FAM120B: variants seen among roughly 807,000 people sequenced by gnomAD.
The protein encoded by FAM120B is family with sequence similarity 120 member B.
A neutral mutation model predicts 96.3 loss-of-function variants in FAM120B; 83 were observed. That is an observed-to-expected ratio of 0.86 (90% CI 0.72 to 1.03). FAM120B has a LOEUF of 1.03. Among genes scored for constraint, FAM120B ranks in the 50% least tolerant of loss-of-function variants. The pLI, the probability that FAM120B is intolerant of heterozygous loss-of-function variation, is 0.00. For missense variants in FAM120B, 1,027 were observed against 1,121.2 expected (o/e 0.92, Z 1.20); for synonymous variants, 407 against 402.7 (o/e 1.01, Z -0.13).
intron 9 of FAM120B, chr6:170,404,258 G>T: frequency 3.0e-6 from 1 of 331,666 alleles, no homozygotes; most frequent in Non-Finnish European, 5.5e-6. Context: ...TCCAAAAGTC[G>T]TCAGCAATAG....
At chr6:170,367,962 C>T (rs1205174514) in intron 6 of FAM120B, among the ~76,000 whole-genome samples, 1 of 152,160 alleles carries the variant, frequency 6.6e-6, no homozygotes. Context: ...GATCTCCTCA[C>T]ACCTATTAGG....
rs1787766503 is a variant in FAM120B, at chr6:170,354,401, A to G, written c.2191-3825A>G. Among the ~76,000 whole-genome samples the G allele has an allele frequency of 2.6e-5, 4 of 152,224 alleles. No individual in the cohort carries two copies. The South Asian group carries it at 8.3e-4, about 31-fold the overall frequency. On this transcript the variant is annotated intron_variant, in intron 5 of 10. Coordinates refer to ENST00000476287, the MANE Select transcript of FAM120B (RefSeq NM_032448.3). ...TGAAAACACCAAAAGCAATTGCAACAAAAGCAAAAATTGACAAATGGGATC... is the reference window on the plus strand; with the variant it reads ...TGAAAACACCAAAAGCAATTGCAACGAAAGCAAAAATTGACAAATGGGATC...
At position 170,391,073 on chromosome 6, in the gene FAM120B, G is replaced by A; in HGVS notation, c.2551G>A (p.Glu851Lys). Residue 851 changes from glutamate to lysine, a missense_variant, in exon 8 of 11, where the codon GAG (glutamate) becomes AAG (lysine). Around this residue, in one of 3 missense-constraint regions of FAM120B, gnomAD observed 142 missense variants for 122.5 expected, o/e 1.16. Transcript: ENST00000476287. ...KAVVCKACMK[E>K]NRRITGRAHW... ...AGTCGTCTGCAAGGCCTGCATGAAG[G>A]AGAACAGACGCATCACTGGCCGAGC... 1 of 1,614,180 alleles carries A rather than the reference G, an allele frequency of 6.2e-7. No individual in the cohort carries two copies. Among genetic ancestry groups the A allele is most frequent in the Admixed American group, 1.7e-5 (1 of 60,024 alleles).
Position 170,323,234 on chromosome 6 carries a change from C to G in FAM120B, c.1890C>G (p.Tyr630Ter). 4.3e-6 allele frequency: 7 copies of G among 1,613,824 alleles called. No individual in the cohort carries two copies. The highest frequency in any genetic ancestry group is 5.9e-6 in the Non-Finnish European group (7 of 1,179,848). ...ACCGTCCCATTCGACAGCGGGTCTA[C>G]TCACTCTTACTGGAGGACTGTCAAG... is the stretch of plus-strand genomic sequence containing the variant. ...FIYRPIRQRVYSLLLEDCQDV... is the reference protein window; with the variant it reads ...FIYRPIRQRV The change falls in exon 3 of 11, where the codon TAC (tyrosine) becomes TAG (stop). Residue 630 changes from tyrosine to a stop codon, truncating the protein, a stop_gained. Coordinates refer to ENST00000476287, the MANE Select transcript of FAM120B (RefSeq NM_032448.3). LOFTEE classifies it high-confidence loss of function.
chr6:170,393,138 C>G (rs1790558741), intron 8 of FAM120B, among the ~76,000 whole-genome samples: 1 of 105,992 alleles, frequency 9.4e-6, no homozygotes, highest in Non-Finnish European at 1.9e-5. Flanking sequence ...ATAGCGAGAC[C>G]CTGTCTTTAC....
rs114546902 is a variant in FAM120B, at chr6:170,401,088, G to C, written c.2693-3462G>C. The stretch of plus-strand genomic sequence containing the variant: ...CTCATGCAAATTAAAACAGCATAAT[G>C]ACTTTCCATAGGCGGAATTGTAGCT... On this transcript the variant is annotated intron_variant, in intron 9 of 10. Transcript: ENST00000476287. 7.4e-3 allele frequency among the ~76,000 whole-genome samples: 1,133 copies of C among 152,324 alleles called. 15 individuals are homozygous for C. Among genetic ancestry groups the C allele is most frequent in the African/African-American group, 0.026 (1,081 of 41,568 alleles).
intron 6 of FAM120B, among the ~76,000 whole-genome samples, chr6:170,378,678 A>C (rs1789725948): frequency 1.3e-5 from 2 of 152,162 alleles, no homozygotes; most frequent in African/African-American, 2.4e-5. Flanking sequence ...AGAACCAGGA[A>C]GCGGTGGCGT....
At chr6:170,402,056 C>G (rs1382510865) in intron 9 of FAM120B, among the ~76,000 whole-genome samples, 1 of 152,250 alleles carries the variant, frequency 6.6e-6, no homozygotes, top group Non-Finnish European at 1.5e-5. Flanking sequence ...GTGTCCCACG[C>G]TTCAGTCCCT....
chr6:170,357,993 C>T (rs1445935854), intron 5 of FAM120B, among the ~76,000 whole-genome samples: 3 of 151,618 alleles, frequency 2.0e-5, no homozygotes, highest in Non-Finnish European at 2.9e-5. Flanking sequence ...TGTGTGTACA[C>T]CTGTGTGTGT....
chr6:170,367,569 AGCAGGTAAGTCCGCGGGGAGACG>A (rs1788880813), intron 6 of FAM120B, among the ~76,000 whole-genome samples: 1 of 152,230 alleles, frequency 6.6e-6, no homozygotes, highest in Non-Finnish European at 1.5e-5. Context: ...GGCTGGAGCC[AGCAGGTAAGTCCGCGGGGAGACG>A]GCAGGATGGG....
At chr6:170,385,357 A>G (rs992594639) in intron 6 of FAM120B, among the ~76,000 whole-genome samples, 1 of 150,844 alleles carries the variant, frequency 6.6e-6, no homozygotes, top group Admixed American at 6.6e-5. Context: ...GTAGAATTAA[A>G]TGAATATACT....
intron 3 of FAM120B, among the ~76,000 whole-genome samples, chr6:170,324,761 C>G (rs1428669806): frequency 6.6e-6 from 1 of 152,076 alleles, no homozygotes; most frequent in African/African-American, 2.4e-5. Flanking sequence ...AACTTTTTGG[C>G]TTTCTACATG....
Position 170,317,690 on chromosome 6 carries a change from A to G in FAM120B, c.300A>G (p.Glu100=), listed in dbSNP as rs1182237348. The change falls in exon 2 of 11, where the codon GAA becomes GAG. Residue 100 remains glutamate, a synonymous_variant. Transcript: ENST00000476287. ...TGGTGGAGCAGGATAAGAGAGATGAATGGGTGAAACGAAGGCTCAAGAACA... is the reference window on the plus strand; with the variant it reads ...TGGTGGAGCAGGATAAGAGAGATGAGTGGGTGAAACGAAGGCTCAAGAACA... ...DGMVEQDKRD[E]WVKRRLKNNR... 26 of 1,614,050 alleles carry G rather than the reference A, an allele frequency of 1.6e-5. No homozygotes were observed. The highest frequency in any genetic ancestry group is 1.8e-5 in the Non-Finnish European group (21 of 1,180,024).
chr6:170,394,271 G>A (rs1245030261), intron 8 of FAM120B, among the ~76,000 whole-genome samples: 1 of 152,262 alleles, frequency 6.6e-6, no homozygotes, highest in East Asian at 1.9e-4. Context: ...GCTGCTGAAT[G>A]CCAGGCAAGT....
intron 1 of FAM120B, among the ~76,000 whole-genome samples, chr6:170,312,119 A>T (rs1784631583): frequency 6.6e-6 from 1 of 152,250 alleles, no homozygotes; most frequent in Non-Finnish European, 1.5e-5. Flanking sequence ...CAAATTAGAC[A>T]CAAACAGATT....
At chr6:170,365,043 G>A (rs1788690536) in intron 6 of FAM120B, among the ~76,000 whole-genome samples, 1 of 152,232 alleles carries the variant, frequency 6.6e-6, no homozygotes, top group African/African-American at 2.4e-5. Context: ...AGAGGATGGG[G>A]CAGAGTGCAG....
intron 6 of FAM120B, among the ~76,000 whole-genome samples, chr6:170,385,065 A>G (rs2115301168): frequency 6.6e-6 from 1 of 152,358 alleles, no homozygotes; most frequent in South Asian, 2.1e-4. Flanking sequence ...CATATGGGAA[A>G]TCTACCAGAA....
chr6:170,360,059 C>T (rs774379977), intron 6 of FAM120B, among the ~76,000 whole-genome samples: 3 of 152,136 alleles, frequency 2.0e-5, no homozygotes, highest in Non-Finnish European at 4.4e-5. Context: ...ACCTGCTCCC[C>T]TCTTCCCTGT....
chr6:170,389,860 C>T (rs1477683253), intron 7 of FAM120B, among the ~76,000 whole-genome samples: 1 of 152,122 alleles, frequency 6.6e-6, no homozygotes, highest in Non-Finnish European at 1.5e-5. Flanking sequence ...CGCGACCAGC[C>T]CCTCTCCCTA....
Sources: allele counts gnomAD v4.1 joint callset (sites outside exome capture counted in the v4.1 genomes callset), GRCh38; gene constraint gnomAD v4.1.1; regional missense constraint gnomAD v4.1.1; transcripts MANE v1.5; gene names NCBI Gene and HGNC (gene_info 2026-07-23, HGNC 2026-07-21).